EYS: variants seen among roughly 807,000 people sequenced by gnomAD.
EYS encodes the protein EGF-like photoreceptor maintenance factor, also known as protein eyes shut homolog.
In EYS, 250 loss-of-function variants were observed where a neutral mutation model predicts 282.1. That is an observed-to-expected ratio of 0.89 (90% CI 0.80 to 0.98). The LOEUF is 0.98. EYS is among the 50% of genes least tolerant of loss of function. The probability of loss-of-function intolerance (pLI) is 0.00; values close to 1 mark genes in which losing one functional copy is unlikely to be tolerated. For synonymous variants in EYS, 1,355 were observed against 1,282.9 expected (o/e 1.06, Z -1.20); for missense variants, 4,016 against 3,709.0 (o/e 1.08, Z -2.15).
At chr6:65,184,404 C>G (rs1041108297) in intron 12 of EYS, among the ~76,000 whole-genome samples, 3 of 151,726 alleles carry the variant, frequency 2.0e-5, no homozygotes, top group Non-Finnish European at 4.4e-5. Context: ...TCATGAGAGC[C>G]AGGACCTCAT....
At chr6:64,420,848 C>T (rs1443767685) in intron 28 of EYS, among the ~76,000 whole-genome samples, 3 of 152,194 alleles carry the variant, frequency 2.0e-5, no homozygotes, top group Non-Finnish European at 2.9e-5. Context: ...TCAGCCTGGA[C>T]TTCCTTGTTC....
At chr6:65,220,917 C>A (rs1766447315) in intron 12 of EYS, among the ~76,000 whole-genome samples, 1 of 152,122 alleles carries the variant, frequency 6.6e-6, no homozygotes, top group South Asian at 2.1e-4. Flanking sequence ...TATATTTTAG[C>A]AAAGACACTG....
chr6:64,602,363 G>A (rs1766788440), intron 24 of EYS, among the ~76,000 whole-genome samples: 1 of 152,008 alleles, frequency 6.6e-6, no homozygotes, highest in African/African-American at 2.4e-5. Flanking sequence ...TGAAACACAG[G>A]ATGGCCCTTT....
chr6:64,926,480 G>C (rs1768520297), intron 15 of EYS, among the ~76,000 whole-genome samples: 1 of 152,184 alleles, frequency 6.6e-6, no homozygotes, highest in Non-Finnish European at 1.5e-5. Context: ...GTTAGATCCA[G>C]AGCTTGGTTG....
At chr6:65,298,953 A>T (rs1175444058) in intron 11 of EYS, among the ~76,000 whole-genome samples, 13 of 152,076 alleles carry the variant, frequency 8.5e-5, no homozygotes, top group Non-Finnish European at 2.9e-5. Context: ...GTTAATATTT[A>T]TACAGAAATG....
intron 35 of EYS, among the ~76,000 whole-genome samples, chr6:63,923,628 C>T (rs1318902974): frequency 1.3e-5 from 2 of 152,068 alleles, no homozygotes; most frequent in Admixed American, 6.5e-5. Flanking sequence ...AGATTTGTTA[C>T]CTGGGTATAT....
intron 2 of EYS, among the ~76,000 whole-genome samples, chr6:65,546,572 T>TC (rs1416250804): frequency 3.1e-3 from 195 of 63,860 alleles, no homozygotes; most frequent in African/African-American, 0.023. Context: ...TACAACTTGA[T>TC]CTTTTTTTTG....
chr6:64,592,846 G>A (rs1433647514), intron 25 of EYS, among the ~76,000 whole-genome samples: 1 of 152,016 alleles, frequency 6.6e-6, no homozygotes, highest in African/African-American at 2.4e-5. Context: ...AAAATGTGCT[G>A]GGATTGAGGT....
intron 5 of EYS, among the ~76,000 whole-genome samples, chr6:65,429,591 C>G (rs1212433652): frequency 6.6e-6 from 1 of 152,120 alleles, no homozygotes; most frequent in Non-Finnish European, 1.5e-5. Flanking sequence ...TGGTTCCAAA[C>G]CCAATTTGCT....
At chr6:64,801,131 C>T (rs776756922) in intron 22 of EYS, among the ~76,000 whole-genome samples, 2 of 151,754 alleles carry the variant, frequency 1.3e-5, no homozygotes, top group Non-Finnish European at 2.9e-5. Context: ...TTCCAGAAAA[C>T]ATCTGAATGT....
chr6:64,928,685 CT>C, intron 15 of EYS, among the ~76,000 whole-genome samples: 1 of 151,988 alleles, frequency 6.6e-6, no homozygotes, highest in East Asian at 1.9e-4. Flanking sequence ...AAAATCTATT[CT>C]TAGATATAGT....
chr6:65,342,274 T>C (rs181717747), intron 10 of EYS, among the ~76,000 whole-genome samples: 1 of 151,064 alleles, frequency 6.6e-6, no homozygotes, highest in Non-Finnish European at 1.5e-5. Context: ...TATAATTATG[T>C]CCTCAAATTG....
At chr6:65,010,431 G>T (rs1236726202) in intron 13 of EYS, among the ~76,000 whole-genome samples, 3 of 152,224 alleles carry the variant, frequency 2.0e-5, no homozygotes, top group Admixed American at 6.5e-5. Context: ...CTGCGCACTT[G>T]TGCAACTCTT....
chr6:65,272,275 C>T (rs1767926962), intron 12 of EYS, among the ~76,000 whole-genome samples: 2 of 152,098 alleles, frequency 1.3e-5, no homozygotes, highest in Non-Finnish European at 2.9e-5. Context: ...GCAATCAGTG[C>T]TCTTTGAACT....
chr6:64,865,942 G>C (rs546200105), intron 19 of EYS, among the ~76,000 whole-genome samples: 2 of 152,114 alleles, frequency 1.3e-5, no homozygotes, highest in East Asian at 1.9e-4. Flanking sequence ...GGTATTTATG[G>C]AAGCTTTTAC....
intron 2 of EYS, among the ~76,000 whole-genome samples, chr6:65,516,906 T>C (rs1027189030): frequency 6.6e-6 from 1 of 152,044 alleles, no homozygotes; most frequent in African/African-American, 2.4e-5. Context: ...AATCTCTTAC[T>C]GGGAACAAAA....
intron 26 of EYS, among the ~76,000 whole-genome samples, chr6:64,469,663 G>A (rs1334825140): frequency 2.0e-5 from 3 of 152,018 alleles, no homozygotes; most frequent in Admixed American, 6.5e-5. Flanking sequence ...TAGCGTTAGT[G>A]TCAAGGAAAA....
At chr6:64,874,228 C>T (rs987171810) in intron 19 of EYS, among the ~76,000 whole-genome samples, 5 of 152,056 alleles carry the variant, frequency 3.3e-5, no homozygotes, top group Non-Finnish European at 7.4e-5. Flanking sequence ...TTATAGGCAG[C>T]ACATTGCATT....
At chr6:64,855,861 T>C (rs1258134029) in intron 19 of EYS, among the ~76,000 whole-genome samples, 1 of 152,236 alleles carries the variant, frequency 6.6e-6, no homozygotes, top group Non-Finnish European at 1.5e-5. Flanking sequence ...GTTAGAATCA[T>C]ACATTATGTA....
Sources: gnomAD v4.1 joint callset for allele counts (sites outside exome capture counted in the v4.1 genomes callset) on GRCh38, gnomAD v4.1.1 for gene constraint, MANE v1.5 for transcripts, NCBI Gene and HGNC (gene_info 2026-07-23, HGNC 2026-07-21) for gene names.